Variants in RAB38 observed in about 807,000 individuals in gnomAD.
The protein encoded by RAB38 is ras-related protein Rab-38.
A neutral mutation model predicts 18.4 loss-of-function variants in RAB38; 15 were observed. The ratio of observed to expected loss-of-function variants is 0.82; its 90% confidence interval spans 0.55 to 1.26. RAB38 has a LOEUF of 1.26. Among genes scored for constraint, RAB38 ranks in the 50% most tolerant of loss-of-function variants. The probability of loss-of-function intolerance (pLI) is 0.00; values close to 1 mark genes in which losing one functional copy is unlikely to be tolerated. For missense variants in RAB38, 294 were observed against 267.4 expected, an observed-to-expected ratio of 1.10 and a Z score of -0.69; for synonymous variants, 101 against 104.4, an observed-to-expected ratio of 0.97 and a Z score of 0.20.
At chr11:88,096,020 T>G in the RAB38 span, among the ~76,000 whole-genome samples, 1 of 151,910 alleles carries the variant, frequency 6.6e-6, no homozygotes. Flanking sequence ...TGCTTCTACC[T>G]CTGACCCCTG....
At chr11:87,873,729 T>C in the RAB38 span, among the ~76,000 whole-genome samples, 2 of 151,344 alleles carry the variant, frequency 1.3e-5, no homozygotes, top group Non-Finnish European at 3.0e-5. Context: ...TTCCATTGAA[T>C]TGTTTTTGCT....
chr11:87,898,274 C>T, the RAB38 span, among the ~76,000 whole-genome samples: 1 of 151,584 alleles, frequency 6.6e-6, no homozygotes, highest in Admixed American at 6.6e-5. Context: ...GTAACATGTC[C>T]TCACCAACCA....
the RAB38 span, among the ~76,000 whole-genome samples, chr11:87,969,330 C>A: frequency 6.6e-6 from 1 of 152,090 alleles, no homozygotes; most frequent in Non-Finnish European, 1.5e-5. Context: ...TGAATGAAAA[C>A]TTCCATATCC....
chr11:88,042,032 G>A, the RAB38 span, among the ~76,000 whole-genome samples: 2 of 152,034 alleles, frequency 1.3e-5, no homozygotes, highest in East Asian at 3.9e-4. Flanking sequence ...GGAAATTGGG[G>A]TTTAGGGAGG....
At chr11:87,837,034 A>G in the RAB38 span, among the ~76,000 whole-genome samples, 2 of 152,226 alleles carry the variant, frequency 1.3e-5, no homozygotes, top group East Asian at 1.9e-4. Context: ...GGAGATATCA[A>G]GTAATCCTCT....
the RAB38 span, among the ~76,000 whole-genome samples, chr11:88,015,767 T>A: frequency 1.3e-5 from 2 of 152,114 alleles, no homozygotes; most frequent in South Asian, 2.1e-4. Flanking sequence ...GTTAAAAAAA[T>A]GTCTTGAGTC....
At chr11:87,810,461 G>A in the RAB38 span, among the ~76,000 whole-genome samples, 1 of 152,166 alleles carries the variant, frequency 6.6e-6, no homozygotes, top group East Asian at 1.9e-4. Flanking sequence ...ATTATTTCGA[G>A]ATTCATCTAT....
chr11:88,171,436 A>G (rs138585099), intron 1 of RAB38, among the ~76,000 whole-genome samples: 105 of 152,360 alleles, frequency 6.9e-4, no homozygotes, highest in African/African-American at 2.5e-3. Flanking sequence ...TTTATAGATG[A>G]GGCAATTGAG....
chr11:87,893,243 G>A, the RAB38 span, among the ~76,000 whole-genome samples: 1 of 150,278 alleles, frequency 6.7e-6, no homozygotes, highest in Non-Finnish European at 1.5e-5. Context: ...GTAACTCAGA[G>A]TTTTAGTTAT....
the RAB38 span, among the ~76,000 whole-genome samples, chr11:88,059,153 C>G: frequency 7.3e-6 from 1 of 137,720 alleles, no homozygotes; most frequent in Admixed American, 7.6e-5. Context: ...GAAACTATAT[C>G]ATAAAGTGTT....
At chr11:87,915,935 T>C in the RAB38 span, among the ~76,000 whole-genome samples, 1 of 152,174 alleles carries the variant, frequency 6.6e-6, no homozygotes, top group African/African-American at 2.4e-5. Context: ...CTTTAAGATT[T>C]AATGTCTGCT....
At chr11:88,133,689 G>C (rs78212979) in intron 2 of RAB38, among the ~76,000 whole-genome samples, 1 of 152,148 alleles carries the variant, frequency 6.6e-6, no homozygotes, top group East Asian at 1.9e-4. Flanking sequence ...GTGAATGCAA[G>C]TTTTGATTAT....
chr11:88,108,484 C>T (rs1591148238), downstream of RAB38, among the ~76,000 whole-genome samples: 1 of 152,178 alleles, frequency 6.6e-6, no homozygotes, highest in East Asian at 1.9e-4. Flanking sequence ...TTTTTGCTTT[C>T]CATTTGCTTG....
At chr11:87,805,395 T>A in the RAB38 span, among the ~76,000 whole-genome samples, 1 of 150,622 alleles carries the variant, frequency 6.6e-6, no homozygotes, top group Non-Finnish European at 1.5e-5. Context: ...ATATTATCTA[T>A]GTCATTTTTT....
At chr11:88,173,885 A>T in intron 1 of RAB38, 2 of 985,482 alleles carry the variant, frequency 2.0e-6, no homozygotes, top group Non-Finnish European at 2.4e-6. Context: ...GAGGCACGAA[A>T]GTCCCCAGAT....
At chr11:88,112,243 C>G (rs774212536), downstream of RAB38, among the ~76,000 whole-genome samples, 4 of 152,168 alleles carry the variant, frequency 2.6e-5, no homozygotes, top group Non-Finnish European at 5.9e-5. Context: ...CAACACAGAT[C>G]ATCCTTTTCC....
intron 1 of RAB38, among the ~76,000 whole-genome samples, chr11:88,173,003 G>C (rs1943328627): frequency 6.6e-6 from 1 of 152,166 alleles, no homozygotes; most frequent in African/African-American, 2.4e-5. Context: ...CAAGACTTCA[G>C]ATTTCTTATT....
At chr11:88,123,757 C>A (rs1337799461) in intron 2 of RAB38, among the ~76,000 whole-genome samples, 1 of 152,124 alleles carries the variant, frequency 6.6e-6, no homozygotes, top group Non-Finnish European at 1.5e-5. Flanking sequence ...AGAGATAATA[C>A]CCATCTGGCA....
At chr11:88,019,587 G>A in the RAB38 span, among the ~76,000 whole-genome samples, 3 of 152,042 alleles carry the variant, frequency 2.0e-5, no homozygotes, top group Non-Finnish European at 4.4e-5. Context: ...CCCATCTAAA[G>A]TTCTTAAAAT....
Sources: gnomAD v4.1 joint callset for allele counts (sites outside exome capture counted in the v4.1 genomes callset) on GRCh38, gnomAD v4.1.1 for gene constraint, MANE v1.5 for transcripts, NCBI Gene and HGNC (gene_info 2026-07-23, HGNC 2026-07-21) for gene names.